The following DNAJC3 variants were observed in gnomAD, a reference collection of about 807,000 sequenced individuals.
DNAJC3 encodes the protein DnaJ heat shock protein family (Hsp40) member C3.
In DNAJC3, 38 loss-of-function variants were observed where a neutral mutation model predicts 68.6. The ratio of observed to expected loss-of-function variants is 0.55; its 90% confidence interval spans 0.43 to 0.73. The LOEUF (loss-of-function observed/expected upper bound fraction) is 0.73. Ranked by LOEUF, DNAJC3 falls within the 30% of genes least tolerant of loss-of-function variation. The probability of loss-of-function intolerance (pLI) is 0.00; values close to 1 mark genes in which losing one functional copy is unlikely to be tolerated. For missense variants in DNAJC3, 526 were observed against 591.9 expected (o/e 0.89, Z 1.16); for synonymous variants, 203 against 204.0 (o/e 1.00, Z 0.04).
intron 4 of DNAJC3, among the ~76,000 whole-genome samples, chr13:95,734,177 G>C (rs1231195938): frequency 6.6e-6 from 1 of 152,136 alleles, no homozygotes. Context: ...TTGTCCTTTT[G>C]CATCTAGGTT....
intron 9 of DNAJC3, among the ~76,000 whole-genome samples, chr13:95,772,743 A>C (rs1883190051): frequency 1.3e-5 from 2 of 152,190 alleles, no homozygotes; most frequent in South Asian, 4.1e-4. Context: ...AGTTGAACTT[A>C]TTTATATATT....
intron 9 of DNAJC3, among the ~76,000 whole-genome samples, chr13:95,775,608 G>A (rs776386725): frequency 6.6e-6 from 1 of 152,090 alleles, no homozygotes; most frequent in Non-Finnish European, 1.5e-5. Context: ...TTAAGTATGT[G>A]TTAGTATACT....
At chr13:95,741,413 G>A (rs1882138968) in intron 4 of DNAJC3, among the ~76,000 whole-genome samples, 1 of 152,204 alleles carries the variant, frequency 6.6e-6, no homozygotes, top group Non-Finnish European at 1.5e-5. Flanking sequence ...TGCTGGGGAT[G>A]GGGATGTCAG....
intron 4 of DNAJC3, among the ~76,000 whole-genome samples, chr13:95,732,212 CCCA>C (rs1566488670): frequency 6.6e-6 from 1 of 152,072 alleles, no homozygotes. Flanking sequence ...AGGGAGAATT[CCCA>C]CCACTTCAGT....
chr13:95,789,293 T>G (rs895589544), intron 11 of DNAJC3, among the ~76,000 whole-genome samples: 7 of 152,262 alleles, frequency 4.6e-5, no homozygotes, highest in Non-Finnish European at 8.8e-5. Context: ...TTATTCCTGA[T>G]CCTCTCCCTC....
chr13:95,677,347 G>T lies in DNAJC3; in HGVS notation c.82+10G>T. ...GATCTGCAGTACGAAGGTGAGTCCT[G>T]CCCTGCCCCGGCCAGGAAGTGGGCT... On this transcript the variant is annotated intron_variant, in intron 1 of 11. Coordinates refer to ENST00000602402, the MANE Select transcript of DNAJC3 (RefSeq NM_006260.5). 1 of 1,581,922 alleles carries T rather than the reference G, an allele frequency of 6.3e-7. No individual in the cohort carries two copies. Among genetic ancestry groups the T allele is most frequent in the Non-Finnish European group, 8.6e-7 (1 of 1,165,298 alleles).
intron 9 of DNAJC3, among the ~76,000 whole-genome samples, chr13:95,770,522 C>A (rs1883129181): frequency 6.6e-6 from 1 of 152,108 alleles, no homozygotes; most frequent in Non-Finnish European, 1.5e-5. Context: ...GTAATAGATG[C>A]TAAAAATAAA....
At position 95,790,893 on chromosome 13, in the gene DNAJC3, G is replaced by A. The variant is rs202130783; in HGVS notation, c.1378G>A (p.Asp460Asn). 5.0e-6 allele frequency: 8 copies of A among 1,608,732 alleles called. No homozygotes were observed. The highest frequency in any genetic ancestry group is 4.5e-5 in the East Asian group (2 of 44,818). The change falls in exon 12 of 12, where the codon GAC (aspartate) becomes AAC (asparagine). Residue 460 changes from aspartate to asparagine, a missense_variant. Physicochemically the swap from Asp to Asn is conservative, Grantham distance 23. Coordinates refer to ENST00000602402, the MANE Select transcript of DNAJC3 (RefSeq NM_006260.5). ...TCTAGAAATGAGAAAGAAGTTTGACGACGGAGAAGATCCTTTGGATGCAGA... is the reference window on the plus strand; with the variant it reads ...TCTAGAAATGAGAAAGAAGTTTGACAACGGAGAAGATCCTTTGGATGCAGA... ...SDPEMRKKFD[D>N]GEDPLDAESQ...
intron 1 of DNAJC3, among the ~76,000 whole-genome samples, chr13:95,691,070 C>A (rs1193193793): frequency 2.1e-5 from 3 of 145,904 alleles, no homozygotes; most frequent in Non-Finnish European, 3.0e-5. Flanking sequence ...AGAGGGGCTC[C>A]TCACTTCCCA....
chr13:95,753,464 A>G (rs1044555236), intron 4 of DNAJC3, among the ~76,000 whole-genome samples: 5 of 152,104 alleles, frequency 3.3e-5, no homozygotes, highest in African/African-American at 1.2e-4. Context: ...AGTGTTACAT[A>G]TTTTTCTATG....
chr13:95,780,489 T>C (rs1328046094), intron 9 of DNAJC3, among the ~76,000 whole-genome samples: 1 of 152,218 alleles, frequency 6.6e-6, no homozygotes, highest in Non-Finnish European at 1.5e-5. Flanking sequence ...TTTTCTGTGA[T>C]CTTTTACCAT....
chr13:95,697,261 G>A (rs776788198), intron 1 of DNAJC3, among the ~76,000 whole-genome samples: 9 of 152,068 alleles, frequency 5.9e-5, no homozygotes, highest in Non-Finnish European at 8.8e-5. Flanking sequence ...AAAAGACTTC[G>A]TTTCTCTTTC....
intron 4 of DNAJC3, among the ~76,000 whole-genome samples, chr13:95,736,548 A>C (rs1168239108): frequency 6.7e-5 from 10 of 148,706 alleles, no homozygotes; most frequent in African/African-American, 2.0e-4. Flanking sequence ...ATCCCTTGTA[A>C]GTTGGATTCC....
At chr13:95,682,130 A>G (rs1879930322) in intron 1 of DNAJC3, among the ~76,000 whole-genome samples, 2 of 152,240 alleles carry the variant, frequency 1.3e-5, no homozygotes, top group South Asian at 4.1e-4. Flanking sequence ...GAGAACATTC[A>G]GATAATAGTA....
chr13:95,723,412 G>A (rs1386393897), intron 3 of DNAJC3, 46 bp downstream of exon 3: 1 of 1,581,018 alleles, frequency 6.3e-7, no homozygotes, highest in East Asian at 2.2e-5. Context: ...AACAGAACTT[G>A]GGGAGAGATA....
intron 1 of DNAJC3, among the ~76,000 whole-genome samples, chr13:95,685,742 A>G (rs1038266279): frequency 2.0e-5 from 3 of 151,924 alleles, no homozygotes; most frequent in Admixed American, 2.0e-4. Context: ...ACTAATTTAC[A>G]TTGCTGCCAC....
intron 4 of DNAJC3, among the ~76,000 whole-genome samples, chr13:95,727,681 G>A (rs1881575943): frequency 6.6e-6 from 1 of 152,146 alleles, no homozygotes; most frequent in Non-Finnish European, 1.5e-5. Flanking sequence ...TAAAACTATA[G>A]CACTGTATCA....
intron 1 of DNAJC3, chr13:95,692,983 G>C (rs1432413421): frequency 6.6e-6 from 1 of 152,206 alleles, no homozygotes; most frequent in African/African-American, 2.4e-5. Flanking sequence ...ACTGGGCCCA[G>C]CTAATTTTTT....
intron 2 of DNAJC3, among the ~76,000 whole-genome samples, chr13:95,714,400 T>C (rs1881070482): frequency 6.9e-6 from 1 of 144,612 alleles, no homozygotes; most frequent in African/African-American, 2.8e-5. Flanking sequence ...TTCTCTGTCT[T>C]GCTTTTTTTC....
Sources: gnomAD v4.1 joint callset for allele counts (sites outside exome capture counted in the v4.1 genomes callset) on GRCh38, gnomAD v4.1.1 for gene constraint, MANE v1.5 for transcripts, NCBI Gene and HGNC (gene_info 2026-07-23, HGNC 2026-07-21) for gene names.